CRIM1: variants seen among roughly 807,000 people sequenced by gnomAD.
CRIM1 encodes the protein cysteine-rich motor neuron 1 protein.
A neutral mutation model predicts 116.4 loss-of-function variants in CRIM1; 32 were observed. That is an observed-to-expected ratio of 0.27 (90% confidence interval 0.21 to 0.37). The LOEUF (loss-of-function observed/expected upper bound fraction) is 0.37. Ranked by LOEUF, CRIM1 falls within the 10% of genes least tolerant of loss-of-function variation. The pLI, the probability that CRIM1 is intolerant of heterozygous loss-of-function variation, is 1.00. For missense variants in CRIM1, 1,331 were observed against 1,354.8 expected (o/e 0.98, Z 0.28); for synonymous variants, 590 against 509.2 (o/e 1.16, Z -2.13).
chr2:36,366,059 T>C (rs1669583883), intron 1 of CRIM1, among the ~76,000 whole-genome samples: 1 of 152,222 alleles, frequency 6.6e-6, no homozygotes, highest in South Asian at 2.1e-4. Flanking sequence ...GACTCTTTCC[T>C]TTGTACCTGA....
chr2:36,491,983 G>A (rs1250706239), intron 7 of CRIM1, among the ~76,000 whole-genome samples: 1 of 151,970 alleles, frequency 6.6e-6, no homozygotes, highest in Non-Finnish European at 1.5e-5. Context: ...TGGATTCCTG[G>A]AAAAAGATAC....
chr2:36,534,749 G>T (rs1469101943), intron 13 of CRIM1, among the ~76,000 whole-genome samples: 1 of 144,726 alleles, frequency 6.9e-6, no homozygotes, highest in African/African-American at 2.5e-5. Flanking sequence ...AGGAAGGAAA[G>T]AAAAAAAAAA....
At position 36,356,462 on chromosome 2, in the gene CRIM1, A is replaced by C. The variant is rs1163552119; in HGVS notation, c.170A>C (p.Gln57Pro). 1 of 1,612,548 alleles carries C rather than the reference A, an allele frequency of 6.2e-7. No individual in the cohort carries two copies. Among genetic ancestry groups the C allele is most frequent in the East Asian group, 2.2e-5 (1 of 44,846 alleles). ...EPRNCPGSIVQGVCGCCYTCA... is the reference protein window; with the variant it reads ...EPRNCPGSIVPGVCGCCYTCA... ...AGGAACTGCCCGGGGAGCATCGTGCAGGGCGTCTGCGGCTGCTGCTACACG... is the reference window on the plus strand; with the variant it reads ...AGGAACTGCCCGGGGAGCATCGTGCCGGGCGTCTGCGGCTGCTGCTACACG... The change falls in exon 1 of 17, where the codon CAG (glutamine) becomes CCG (proline). Residue 57 changes from glutamine (Q) to proline (P), a missense_variant. Physicochemically the swap from Gln to Pro is moderately conservative, Grantham distance 76. Coordinates refer to ENST00000280527, the MANE Select transcript of CRIM1 (RefSeq NM_016441.3). The surrounding 1 kb of genome is among the most constrained non-coding windows in gnomAD (Gnocchi z 4.3).
intron 13 of CRIM1, among the ~76,000 whole-genome samples, chr2:36,535,850 T>C (rs952100218): frequency 2.6e-5 from 4 of 152,230 alleles, no homozygotes; most frequent in African/African-American, 9.6e-5. Flanking sequence ...ACTATTTACA[T>C]AGCATTTACA....
chr2:36,501,890 A>C (rs1352138272), intron 8 of CRIM1, among the ~76,000 whole-genome samples: 1 of 152,182 alleles, frequency 6.6e-6, no homozygotes, highest in Non-Finnish European at 1.5e-5. Context: ...TAGAAAGCCA[A>C]GTTCACTAGA....
chr2:36,474,938 CTCAA>C (rs553928528), intron 5 of CRIM1, among the ~76,000 whole-genome samples: 51 of 150,712 alleles, frequency 3.4e-4, no homozygotes, highest in Non-Finnish European at 6.6e-4. Flanking sequence ...TTCCTGAACT[CTCAA>C]TTCCATTGAA....
intron 2 of CRIM1, among the ~76,000 whole-genome samples, chr2:36,419,599 A>G (rs535343542): frequency 3.3e-5 from 5 of 152,312 alleles, no homozygotes; most frequent in Admixed American, 3.3e-4. Context: ...GACTGAATGC[A>G]CTGATTTTAA....
intron 4 of CRIM1, among the ~76,000 whole-genome samples, chr2:36,459,143 G>A (rs1342899785): frequency 6.6e-6 from 1 of 151,906 alleles, no homozygotes; most frequent in Non-Finnish European, 1.5e-5. Context: ...CAGGCTTTGC[G>A]CATCTAGGCA....
chr2:36,473,083 C>T (rs540374552), intron 5 of CRIM1, among the ~76,000 whole-genome samples: 2 of 152,126 alleles, frequency 1.3e-5, no homozygotes, highest in Non-Finnish European at 2.9e-5. Flanking sequence ...TCTTCATTAT[C>T]GAAAAAACTG....
intron 1 of CRIM1, among the ~76,000 whole-genome samples, chr2:36,365,146 C>T (rs941818073): frequency 6.6e-6 from 1 of 152,102 alleles, no homozygotes; most frequent in Non-Finnish European, 1.5e-5. Context: ...AGGAAACATG[C>T]GTTGGTTTGA....
intron 8 of CRIM1, among the ~76,000 whole-genome samples, chr2:36,505,393 A>G (rs1681322107): frequency 1.4e-5 from 2 of 144,500 alleles, no homozygotes; most frequent in Admixed American, 1.4e-4. Context: ...TGGTCACGAA[A>G]ACATCACCAA....
chr2:36,438,769 A>G (rs1469772892), intron 2 of CRIM1, among the ~76,000 whole-genome samples: 1 of 152,212 alleles, frequency 6.6e-6, no homozygotes, highest in Non-Finnish European at 1.5e-5. Context: ...ACTCAGGATC[A>G]CAGTAGTGAT....
intron 2 of CRIM1, among the ~76,000 whole-genome samples, chr2:36,397,388 C>T (rs944237469): frequency 1.3e-5 from 2 of 152,042 alleles, no homozygotes; most frequent in African/African-American, 2.4e-5. Flanking sequence ...GAAAAAACTT[C>T]AAGAAATTGA....
At chr2:36,493,852 A>G (rs1467888663) in intron 7 of CRIM1, among the ~76,000 whole-genome samples, 1 of 152,206 alleles carries the variant, frequency 6.6e-6, no homozygotes, top group Non-Finnish European at 1.5e-5. Context: ...AGAAGTGAAT[A>G]TATATAATTA....
intron 2 of CRIM1, among the ~76,000 whole-genome samples, chr2:36,421,506 T>C (rs910449550): frequency 6.6e-5 from 10 of 152,240 alleles, no homozygotes; most frequent in Admixed American, 5.2e-4. Flanking sequence ...TTTTCCACTT[T>C]CAGTAAGAAA....
chr2:36,429,617 G>C (rs1202375168), intron 2 of CRIM1, among the ~76,000 whole-genome samples: 9 of 152,166 alleles, frequency 5.9e-5, no homozygotes, highest in Non-Finnish European at 1.3e-4. Context: ...GCTGTTTTTA[G>C]GGGGAGGAGA....
Position 36,429,122 on chromosome 2 carries a change from C to T in CRIM1, c.506-12136C>T, listed in dbSNP as rs538944870. On this transcript the variant is annotated intron_variant, in intron 2 of 16. Coordinates refer to ENST00000280527, the MANE Select transcript of CRIM1 (RefSeq NM_016441.3). ...AGCTGAAAGGAACTTAGGTCCCTAG[C>T]ACCTGTGTGGAGCCCAATCCCCATA... Among the ~76,000 whole-genome samples the T allele has an allele frequency of 3.9e-5, 6 of 152,350 alleles. No homozygotes were observed. In the East Asian group the frequency reaches 7.7e-4, roughly 20 times the overall value.
chr2:36,424,111 A>C (rs971538219), intron 2 of CRIM1, among the ~76,000 whole-genome samples: 1 of 152,218 alleles, frequency 6.6e-6, no homozygotes, highest in Non-Finnish European at 1.5e-5. Flanking sequence ...AAATGTATGA[A>C]ACTCAGGCCC....
At chr2:36,527,451 G>C (rs1313517541) in intron 13 of CRIM1, among the ~76,000 whole-genome samples, 2 of 152,078 alleles carry the variant, frequency 1.3e-5, no homozygotes, top group African/African-American at 4.8e-5. Flanking sequence ...CATGGAGCTG[G>C]CTTAGCTTGT....
Sources: allele counts gnomAD v4.1 joint callset (sites outside exome capture counted in the v4.1 genomes callset), GRCh38; gene constraint gnomAD v4.1.1; non-coding constraint Gnocchi (gnomAD v3.1); transcripts MANE v1.5; gene names NCBI Gene and HGNC (gene_info 2026-07-23, HGNC 2026-07-21).